CEP85L: variants seen among roughly 807,000 people sequenced by gnomAD.
The protein encoded by CEP85L is centrosomal protein of 85 kDa-like.
In CEP85L, 60 loss-of-function variants were observed where a neutral mutation model predicts 100.3. The observed-to-expected ratio is 0.60, with a 90% confidence interval of 0.49 to 0.74. The LOEUF (loss-of-function observed/expected upper bound fraction) is 0.74. CEP85L is among the 30% of genes least tolerant of loss of function. The pLI is 0.00. For synonymous variants in CEP85L, 319 were observed against 322.7 expected, an observed-to-expected ratio of 0.99 and a Z score of 0.12; for missense variants, 973 against 936.2, an observed-to-expected ratio of 1.04 and a Z score of -0.51.
chr6:118,491,369 T>A (rs1774560341), intron 6 of CEP85L: 17 of 650,706 alleles, frequency 2.6e-5, no homozygotes, highest in Non-Finnish European at 3.4e-5. Flanking sequence ...TACCAACCCT[T>A]TATGCCCAAC....
intron 1 of CEP85L, among the ~76,000 whole-genome samples, chr6:118,707,257 C>T (rs1353951815): frequency 6.6e-6 from 1 of 151,224 alleles, no homozygotes; most frequent in Non-Finnish European, 1.5e-5. Context: ...TCATTGGAGC[C>T]TCAGCTCATT....
rs1781697524 is a variant in CEP85L, at chr6:118,600,312, T to TGC, written c.232+32140_232+32141insGC. Among the ~76,000 whole-genome samples, 2 of 75,372 alleles carry TGC rather than the reference T, an allele frequency of 2.7e-5. 1 individual carries two copies. The highest frequency in any genetic ancestry group is 2.5e-4 in the Admixed American group (2 of 8,050). 49.4% of individuals were successfully genotyped at this position (75,372 alleles called of 152,430 possible). ...GAGCCTTCCTGGGGGTGTGTGTGTG[T>TGC]GTGTGTGTGTGTGTGTGTGTGTGTG... On this transcript the variant is annotated intron_variant, in intron 2 of 12. Coordinates refer to ENST00000368491, the MANE Select transcript of CEP85L (RefSeq NM_001042475.3).
intron 2 of CEP85L, among the ~76,000 whole-genome samples, chr6:118,632,077 C>T (rs1282066406): frequency 6.6e-6 from 1 of 152,152 alleles, no homozygotes; most frequent in East Asian, 1.9e-4. Flanking sequence ...GCAAGCTCCG[C>T]CTCCTGGGTT....
At chr6:118,479,061 C>A (rs1190367277) in intron 10 of CEP85L, among the ~76,000 whole-genome samples, 1 of 152,128 alleles carries the variant, frequency 6.6e-6, no homozygotes, top group African/African-American at 2.4e-5. Flanking sequence ...AGTCACATAA[C>A]AATAGCTGAG....
At chr6:118,516,041 T>C (rs542228763) in intron 4 of CEP85L, among the ~76,000 whole-genome samples, 310 of 152,296 alleles carry the variant, frequency 2.0e-3, no homozygotes, top group African/African-American at 7.2e-3. Context: ...AGAATGATGG[T>C]TTCCAGCTTC....
chr6:118,568,014 A>G (rs1163543041), intron 2 of CEP85L, among the ~76,000 whole-genome samples: 2 of 152,112 alleles, frequency 1.3e-5, no homozygotes, highest in Non-Finnish European at 2.9e-5. Context: ...ATCCCAGTAC[A>G]CCCTGAAACT....
chr6:118,650,243 G>T (rs1331346233), intron 1 of CEP85L, among the ~76,000 whole-genome samples: 4 of 152,118 alleles, frequency 2.6e-5, no homozygotes, highest in African/African-American at 9.7e-5. Flanking sequence ...TTTCTGCGCA[G>T]AATGTCCATA....
intron 4 of CEP85L, among the ~76,000 whole-genome samples, chr6:118,517,301 G>A (rs912360950): frequency 6.6e-6 from 1 of 152,136 alleles, no homozygotes; most frequent in African/African-American, 2.4e-5. Flanking sequence ...CAGCTTGATG[G>A]GGATAGTATT....
chr6:118,496,971 A>G (rs1373895432), intron 5 of CEP85L, among the ~76,000 whole-genome samples: 2 of 152,220 alleles, frequency 1.3e-5, no homozygotes, highest in Non-Finnish European at 2.9e-5. Context: ...AGAAATCTTG[A>G]AACAGACTGA....
At chr6:118,594,531 A>G (rs546266824) in intron 2 of CEP85L, among the ~76,000 whole-genome samples, 3 of 152,348 alleles carry the variant, frequency 2.0e-5, no homozygotes, top group Admixed American at 6.5e-5. Flanking sequence ...AATAAAATAC[A>G]TAAGTACACT....
At chr6:118,597,834 G>A (rs963217868) in intron 2 of CEP85L, among the ~76,000 whole-genome samples, 3 of 152,120 alleles carry the variant, frequency 2.0e-5, no homozygotes, top group African/African-American at 4.8e-5. Flanking sequence ...ATACCGTGTG[G>A]GGCCTAGTCT....
intron 2 of CEP85L, 48 bp from the exon 3 acceptor site, chr6:118,566,364 G>C: frequency 6.9e-7 from 1 of 1,457,196 alleles, no homozygotes; most frequent in Non-Finnish European, 9.3e-7. Flanking sequence ...ACAGACAAAA[G>C]AGAATGAGGT....
At chr6:118,552,595 C>T (rs557056274) in intron 3 of CEP85L, among the ~76,000 whole-genome samples, 13 of 151,402 alleles carry the variant, frequency 8.6e-5, no homozygotes, top group African/African-American at 3.2e-4. Context: ...ATTAGAGTTG[C>T]CTAATGGCTT....
intron 2 of CEP85L, among the ~76,000 whole-genome samples, chr6:118,601,083 C>T (rs943175656): frequency 2.6e-5 from 4 of 152,168 alleles, no homozygotes; most frequent in Non-Finnish European, 5.9e-5. Context: ...GAGTTAAGAA[C>T]ATATACACTT....
chr6:118,477,534 A>G (rs947146949), intron 10 of CEP85L, among the ~76,000 whole-genome samples: 5 of 152,162 alleles, frequency 3.3e-5, no homozygotes, highest in Admixed American at 1.3e-4. Flanking sequence ...TGGACATAAA[A>G]TGTACATAGC....
intron 10 of CEP85L, 60 bp downstream of exon 10, chr6:118,479,811 T>C: frequency 1.3e-6 from 1 of 777,540 alleles, no homozygotes; most frequent in East Asian, 3.1e-5. Flanking sequence ...TCAGATTAAA[T>C]AAGCATTAAG....
chr6:118,609,492 T>C (rs1772466563), intron 2 of CEP85L, among the ~76,000 whole-genome samples: 4 of 152,180 alleles, frequency 2.6e-5, no homozygotes, highest in Admixed American at 2.0e-4. Flanking sequence ...TCTTTTTAAG[T>C]TCTTTTTCTC....
chr6:118,709,091 C>A (rs929912254), intron 1 of CEP85L, among the ~76,000 whole-genome samples: 1 of 152,096 alleles, frequency 6.6e-6, no homozygotes, highest in Non-Finnish European at 1.5e-5. Flanking sequence ...CACAGAGAAA[C>A]AAGAGCAGCA....
chr6:118,617,143 C>G (rs1773112048), intron 2 of CEP85L, among the ~76,000 whole-genome samples: 1 of 152,050 alleles, frequency 6.6e-6, no homozygotes, highest in African/African-American at 2.4e-5. Context: ...CGAGTAGGGG[C>G]TTGGAAAGCT....
Sources: gnomAD v4.1 joint callset for allele counts (sites outside exome capture counted in the v4.1 genomes callset) on GRCh38, gnomAD v4.1.1 for gene constraint, MANE v1.5 for transcripts, NCBI Gene and HGNC (gene_info 2026-07-23, HGNC 2026-07-21) for gene names.